Variants in OPCML observed in about 807,000 individuals in gnomAD.
OPCML encodes opioid-binding protein/cell adhesion molecule.
A neutral mutation model predicts 37.8 loss-of-function variants in OPCML; 13 were observed. The ratio of observed to expected loss-of-function variants is 0.34; its 90% confidence interval spans 0.22 to 0.55. The LOEUF (loss-of-function observed/expected upper bound fraction) is 0.55. OPCML is among the 20% of genes least tolerant of loss of function. The pLI is 0.91. For missense variants in OPCML, 341 were observed against 435.6 expected (o/e 0.78, Z 1.93); for synonymous variants, 176 against 168.8 (o/e 1.04, Z -0.33).
chr11:133,390,002 G>C (rs989314000), intron 1 of OPCML, among the ~76,000 whole-genome samples: 1 of 152,204 alleles, frequency 6.6e-6, no homozygotes, highest in Non-Finnish European at 1.5e-5. Context: ...CTCCTGTGAA[G>C]ACTCCTCCTT....
At chr11:132,481,754 G>C (rs1036740152) in intron 4 of OPCML, among the ~76,000 whole-genome samples, 17 of 149,878 alleles carry the variant, frequency 1.1e-4, no homozygotes, top group African/African-American at 4.2e-4. Context: ...TAGAACTCAG[G>C]ATTAAGAATC....
intron 2 of OPCML, among the ~76,000 whole-genome samples, chr11:132,856,335 A>C (rs370484557): frequency 2.0e-5 from 3 of 152,128 alleles, no homozygotes; most frequent in Middle Eastern, 3.2e-3. Flanking sequence ...AAATGTAAAC[A>C]AAAAGTTGAG....
chr11:133,491,524 T>C (rs932936320), intron 1 of OPCML, among the ~76,000 whole-genome samples: 12 of 152,158 alleles, frequency 7.9e-5, no homozygotes, highest in African/African-American at 2.4e-4. Context: ...GATCCTTGTC[T>C]AAGGAATTCC....
At position 133,212,354 on chromosome 11, in the gene OPCML, C is replaced by T. The variant is rs959663077; in HGVS notation, c.62-269344G>A. Reference sequence around the variant, plus strand: ...CTCATCTCCTGCCACTCTCCCACTGCCCCTGAATCCTAGCCACACTGACTA... The same window carrying T: ...CTCATCTCCTGCCACTCTCCCACTGTCCCTGAATCCTAGCCACACTGACTA... On this transcript the variant is annotated intron_variant, in intron 1 of 7. Coordinates refer to ENST00000524381, the MANE Select transcript of OPCML (RefSeq NM_001012393.5). The surrounding 1 kb of genome is among the most constrained non-coding windows in gnomAD (Gnocchi z 4.9). Among the ~76,000 whole-genome samples, 45 of 152,164 alleles carry T rather than the reference C, an allele frequency of 3.0e-4. 1 individual carries two copies. The highest frequency in any genetic ancestry group is 1.6e-3 in the Admixed American group (25 of 15,284).
At chr11:132,580,031 A>T (rs2096459155) in intron 3 of OPCML, among the ~76,000 whole-genome samples, 1 of 152,138 alleles carries the variant, frequency 6.6e-6, no homozygotes, top group Admixed American at 6.6e-5. Flanking sequence ...CATAACATCC[A>T]CATCTCCTAA....
At chr11:132,994,043 C>T (rs1946831408) in intron 1 of OPCML, among the ~76,000 whole-genome samples, 1 of 152,248 alleles carries the variant, frequency 6.6e-6, no homozygotes, top group African/African-American at 2.4e-5. Flanking sequence ...TGTCCCCATC[C>T]AGTGATTACG....
At position 132,877,566 on chromosome 11, in the gene OPCML, G is replaced by C. The variant is rs552131002; in HGVS notation, c.146+65360C>G. 5.9e-4 allele frequency among the ~76,000 whole-genome samples: 90 copies of C among 152,280 alleles called. 1 individual carries two copies. The highest frequency in any genetic ancestry group is 2.1e-3 in the Admixed American group (32 of 15,302). On this transcript the variant is annotated intron_variant, in intron 2 of 7. Transcript: ENST00000524381. ...TTGTTCTGACAGTCCTCATAGGTAT[G>C]ATGTGAACTATTAAAAGCCAGGACC...
At chr11:133,062,588 C>G (rs1277707390) in intron 1 of OPCML, among the ~76,000 whole-genome samples, 1 of 151,982 alleles carries the variant, frequency 6.6e-6, no homozygotes, top group Admixed American at 6.5e-5. Flanking sequence ...TGCTTAGGTT[C>G]CAACCCTTCA....
At chr11:132,748,556 T>C (rs1009247774) in intron 2 of OPCML, among the ~76,000 whole-genome samples, 3 of 152,044 alleles carry the variant, frequency 2.0e-5, no homozygotes, top group African/African-American at 7.2e-5. Flanking sequence ...GAGTGTGGCC[T>C]GTGCTTGGAC....
intron 1 of OPCML, among the ~76,000 whole-genome samples, chr11:133,155,786 T>C (rs1950052989): frequency 6.6e-6 from 1 of 152,108 alleles, no homozygotes; most frequent in Admixed American, 6.5e-5. Flanking sequence ...TCATTCCTCC[T>C]CCTCCAGTCC....
At chr11:132,676,987 A>C (rs927127253) in intron 2 of OPCML, among the ~76,000 whole-genome samples, 3 of 152,072 alleles carry the variant, frequency 2.0e-5, no homozygotes, top group African/African-American at 7.2e-5. Flanking sequence ...ATAATCATCT[A>C]TGTAGAAAAT....
intron 2 of OPCML, among the ~76,000 whole-genome samples, chr11:132,732,439 T>C (rs1044467954): frequency 3.3e-5 from 5 of 152,192 alleles, no homozygotes; most frequent in African/African-American, 1.2e-4. Flanking sequence ...GATGGGTTTA[T>C]CTTGAGGGTA....
At chr11:133,183,137 A>G (rs1232937931) in intron 1 of OPCML, among the ~76,000 whole-genome samples, 2 of 152,200 alleles carry the variant, frequency 1.3e-5, no homozygotes, top group Non-Finnish European at 2.9e-5. Flanking sequence ...ACAGAAAAGG[A>G]AACTTTATGA....
intron 1 of OPCML, among the ~76,000 whole-genome samples, chr11:133,446,139 T>TC (rs1946470086): frequency 6.6e-6 from 1 of 152,164 alleles, no homozygotes; most frequent in Non-Finnish European, 1.5e-5. Context: ...GCCAGGAAGC[T>TC]CAGACAATGT....
At chr11:133,298,375 A>G (rs912388961) in intron 1 of OPCML, 1 of 152,228 alleles carries the variant, frequency 6.6e-6, no homozygotes, top group African/African-American at 2.4e-5. Context: ...AAATCATCAA[A>G]TATTTGGAGC....
At chr11:132,497,052 T>TA (rs778522235) in intron 4 of OPCML, among the ~76,000 whole-genome samples, 40 of 152,304 alleles carry the variant, frequency 2.6e-4, no homozygotes, top group Middle Eastern at 3.4e-3. Context: ...CATGGAATAC[T>TA]ATGCAGCCAT....
intron 1 of OPCML, among the ~76,000 whole-genome samples, chr11:133,000,049 C>T (rs1946968865): frequency 6.6e-6 from 1 of 152,182 alleles, no homozygotes; most frequent in Non-Finnish European, 1.5e-5. Context: ...CTTAGAACTT[C>T]ATTTTTGTTT....
intron 1 of OPCML, among the ~76,000 whole-genome samples, chr11:133,521,444 G>C (rs34838605): frequency 0.23 from 34,912 of 152,180 alleles, 4,700 homozygotes; most frequent in African/African-American, 0.34. Flanking sequence ...TGGGCCATAA[G>C]AAAGAAGTGA....
rs933453667 is a variant in OPCML at position 133,080,476 on chromosome 11, T to G, written c.62-137466A>C. Among the ~76,000 whole-genome samples the G allele has an allele frequency of 2.7e-4, 8 of 30,176 alleles. No homozygotes were observed. The East Asian group carries it at 7.8e-3, about 30-fold the overall frequency. The allele number at this position is 30,176 out of a possible 152,430, so 19.8% of individuals were successfully genotyped here. A position where few individuals can be genotyped will look rare whatever the true frequency, so the allele number is the denominator to read the frequency against. ...CATTCCCACTTTGGTAATCAAATGTTTTTTTTTTTTTTTTTTTTCCTAAAA... is the reference window on the plus strand; with the variant it reads ...CATTCCCACTTTGGTAATCAAATGTGTTTTTTTTTTTTTTTTTTCCTAAAA... On this transcript the variant is annotated intron_variant, in intron 1 of 7. Coordinates refer to ENST00000524381, the MANE Select transcript of OPCML (RefSeq NM_001012393.5).
Sources: allele counts gnomAD v4.1 joint callset (sites outside exome capture counted in the v4.1 genomes callset), GRCh38; gene constraint gnomAD v4.1.1; non-coding constraint Gnocchi (gnomAD v3.1); transcripts MANE v1.5; gene names NCBI Gene and HGNC (gene_info 2026-07-23, HGNC 2026-07-21).